PTPRD: variants seen among roughly 807,000 people sequenced by gnomAD.
PTPRD encodes the protein protein tyrosine phosphatase receptor type D.
In PTPRD, 34 loss-of-function variants were observed where a neutral mutation model predicts 214.5. The observed-to-expected ratio is 0.16, with a 90% confidence interval of 0.12 to 0.21. The LOEUF (loss-of-function observed/expected upper bound fraction) is 0.21. Ranked by LOEUF, PTPRD falls within the 10% of genes least tolerant of loss-of-function variation. The pLI, the probability that PTPRD is intolerant of heterozygous loss-of-function variation, is 1.00. For missense variants in PTPRD, 2,545 were observed against 2,398.7 expected (o/e 1.06, Z -1.27); for synonymous variants, 1,128 against 845.7 (o/e 1.33, Z -5.79).
At chr9:8,483,566 C>T (rs960979994) in intron 30 of PTPRD, among the ~76,000 whole-genome samples, 1 of 152,244 alleles carries the variant, frequency 6.6e-6, no homozygotes, top group South Asian at 2.1e-4. Context: ...TCCAGGCTAA[C>T]ACGGTGAAAC....
At chr9:10,231,999 T>A (rs1002221886) in intron 3 of PTPRD, among the ~76,000 whole-genome samples, 35 of 142,538 alleles carry the variant, frequency 2.5e-4, no homozygotes, top group African/African-American at 8.8e-4. Flanking sequence ...AGTGTGTGTG[T>A]GTGTGTGTGT....
chr9:8,581,616 C>T lies in PTPRD; in HGVS notation c.352+51701G>A, dbSNP rs191601914. 1.8e-3 allele frequency among the ~76,000 whole-genome samples: 269 copies of T among 152,120 alleles called. 2 individuals carry two copies. The highest frequency in any genetic ancestry group is 6.8e-3 in the Middle Eastern group (2 of 294). On this transcript the variant is annotated intron_variant, in intron 14 of 45. Coordinates refer to ENST00000381196, the MANE Select transcript of PTPRD (RefSeq NM_002839.4). ...ACAAAAAATTAGCTGGGCATGGTGG[C>T]AGATGCCTGTAGTCCCAGCTACTTG... is the stretch of plus-strand genomic sequence containing the variant.
intron 7 of PTPRD, among the ~76,000 whole-genome samples, chr9:9,710,739 C>T (rs2097710120): frequency 6.6e-6 from 1 of 151,948 alleles, no homozygotes; most frequent in East Asian, 1.9e-4. Context: ...CTGAGTTGAT[C>T]CAGAAAGTTG....
chr9:10,025,865 G>A (rs1048644641), intron 4 of PTPRD, among the ~76,000 whole-genome samples: 6 of 152,084 alleles, frequency 3.9e-5, no homozygotes, highest in Non-Finnish European at 8.8e-5. Context: ...TACAGTTCAC[G>A]GAACATTTCA....
intron 12 of PTPRD, among the ~76,000 whole-genome samples, chr9:8,676,528 G>C (rs1315661380): frequency 6.6e-6 from 1 of 150,782 alleles, no homozygotes; most frequent in African/African-American, 2.4e-5. Context: ...GATTACAGGT[G>C]CCTGCCACCA....
chr9:9,638,416 A>T (rs1307834889), intron 7 of PTPRD, among the ~76,000 whole-genome samples: 3 of 152,198 alleles, frequency 2.0e-5, no homozygotes, highest in Non-Finnish European at 4.4e-5. Context: ...CCACTTTATA[A>T]CTAGAATGAC....
At chr9:8,497,367 C>T (rs2097299913) in intron 25 of PTPRD, 99 bp from the exon 26 acceptor site, 1 of 1,020,562 alleles carries the variant, frequency 9.8e-7, no homozygotes, top group South Asian at 1.9e-5. Flanking sequence ...TTAAAAAAAT[C>T]AAAAAAATAA....
rs141922216 is a variant in PTPRD, at chr9:8,856,952, G to C, written c.-103-123006C>G. On this transcript the variant is annotated intron_variant, in intron 11 of 45. Transcript: ENST00000381196. Reference sequence around the variant, plus strand: ...ATCTATGGGAAAGCAAATAATCTTTGGTTTGTTCGTGGCTTTCTTTTTAAA... The same window carrying C: ...ATCTATGGGAAAGCAAATAATCTTTCGTTTGTTCGTGGCTTTCTTTTTAAA... Among the ~76,000 whole-genome samples, 139 of 152,240 alleles carry C rather than the reference G, an allele frequency of 9.1e-4. 1 individual carries two copies. Among genetic ancestry groups the C allele is most frequent in the African/African-American group, 3.1e-3 (129 of 41,550 alleles).
chr9:8,498,439 G>A lies in PTPRD; in HGVS notation c.2323-1171C>T, dbSNP rs2097324721. ...CACACAGGCGTGTGCCGCCACGCCT[G>A]GCTAATTTTTGTATTTTTAGTAGAG... On this transcript the variant is annotated intron_variant, in intron 25 of 45. Transcript: ENST00000381196. 2.0e-5 allele frequency among the ~76,000 whole-genome samples: 3 copies of A among 151,932 alleles called. No homozygotes were observed. In the East Asian group the frequency reaches 5.8e-4, roughly 30 times the overall value.
chr9:10,292,621 T>G (rs2095559156), intron 3 of PTPRD, among the ~76,000 whole-genome samples: 1 of 152,148 alleles, frequency 6.6e-6, no homozygotes, highest in South Asian at 2.1e-4. Flanking sequence ...ATCTTAGGGT[T>G]GGTTGCTACC....
chr9:10,432,334 C>T (rs2098688102), intron 2 of PTPRD, among the ~76,000 whole-genome samples: 1 of 150,088 alleles, frequency 6.7e-6, no homozygotes, highest in Admixed American at 6.6e-5. Flanking sequence ...ATACCTAATG[C>T]TAGATGACGA....
chr9:10,333,337 T>A (rs556765639), intron 3 of PTPRD, among the ~76,000 whole-genome samples: 157 of 151,778 alleles, frequency 1.0e-3, no homozygotes, highest in Non-Finnish European at 1.7e-3. Flanking sequence ...TGTTCAGCAC[T>A]AGACACTGGA....
At chr9:9,592,992 C>A (rs906789215) in intron 7 of PTPRD, among the ~76,000 whole-genome samples, 1 of 151,314 alleles carries the variant, frequency 6.6e-6, no homozygotes, top group Admixed American at 6.6e-5. Flanking sequence ...CTGCAGTGAG[C>A]CAAGATTGTG....
chr9:9,894,175 T>C (rs1349248705), intron 5 of PTPRD, among the ~76,000 whole-genome samples: 3 of 152,050 alleles, frequency 2.0e-5, no homozygotes, highest in Non-Finnish European at 4.4e-5. Context: ...ATATCTATCA[T>C]TTCTCCCCTA....
At chr9:8,347,267 T>A (rs1296806986) in intron 39 of PTPRD, among the ~76,000 whole-genome samples, 1 of 152,082 alleles carries the variant, frequency 6.6e-6, no homozygotes, top group East Asian at 1.9e-4. Flanking sequence ...TGCTAAAGCA[T>A]CCATTCCCAC....
At chr9:9,784,714 C>T (rs2098904216) in intron 5 of PTPRD, among the ~76,000 whole-genome samples, 1 of 151,510 alleles carries the variant, frequency 6.6e-6, no homozygotes, top group South Asian at 2.1e-4. Context: ...GAAGTGAAGT[C>T]CAGTGTCAAA....
intron 2 of PTPRD, among the ~76,000 whole-genome samples, chr9:10,588,481 C>T (rs1285439064): frequency 1.4e-5 from 2 of 141,772 alleles, no homozygotes; most frequent in Admixed American, 1.4e-4. Context: ...TACAAACAAA[C>T]CAGAAATAAA....
intron 8 of PTPRD, among the ~76,000 whole-genome samples, chr9:9,447,702 A>T (rs12345830): frequency 0.17 from 25,831 of 152,080 alleles, 2,355 homozygotes; most frequent in Non-Finnish European, 0.22. Flanking sequence ...GGACTTCTAC[A>T]TGTTCCCTTA....
At chr9:10,504,233 A>G (rs1324350472) in intron 2 of PTPRD, among the ~76,000 whole-genome samples, 1 of 151,598 alleles carries the variant, frequency 6.6e-6, no homozygotes, top group East Asian at 1.9e-4. Context: ...ATATGCATCG[A>G]ACTCTCTCCT....
Sources: gnomAD v4.1 joint callset for allele counts (sites outside exome capture counted in the v4.1 genomes callset) on GRCh38, gnomAD v4.1.1 for gene constraint, MANE v1.5 for transcripts, NCBI Gene and HGNC (gene_info 2026-07-23, HGNC 2026-07-21) for gene names.